The following SIL1 variants were observed in gnomAD, a reference collection of about 807,000 sequenced individuals.
SIL1 encodes SIL1 nucleotide exchange factor.
A neutral mutation model predicts 49.1 loss-of-function variants in SIL1; 40 were observed. The observed-to-expected ratio is 0.81, with a 90% confidence interval of 0.63 to 1.06. The LOEUF is 1.06. Among genes scored for constraint, SIL1 ranks in the 50% least tolerant of loss-of-function variants. SIL1 has a pLI of 0.00. For synonymous variants in SIL1, 253 were observed against 250.8 expected, an observed-to-expected ratio of 1.01 and a Z score of -0.08; for missense variants, 500 against 572.6, an observed-to-expected ratio of 0.87 and a Z score of 1.29.
chr5:138,974,850 G>A (rs951571103), intron 7 of SIL1, among the ~76,000 whole-genome samples: 37 of 152,292 alleles, frequency 2.4e-4, no homozygotes, highest in African/African-American at 8.4e-4. Context: ...AGCTTCATGT[G>A]TATCATCCTA....
intron 3 of SIL1, among the ~76,000 whole-genome samples, chr5:139,098,203 G>A (rs533455230): frequency 9.2e-5 from 14 of 152,224 alleles, no homozygotes; most frequent in Non-Finnish European, 1.3e-4. Flanking sequence ...ATACTACAGC[G>A]CTATGGTAAC....
chr5:139,004,133 T>C (rs1464025894), intron 7 of SIL1, among the ~76,000 whole-genome samples: 2 of 152,208 alleles, frequency 1.3e-5, no homozygotes, highest in African/African-American at 2.4e-5. Context: ...ACTTTGCAGC[T>C]AATCTGTCTT....
intron 1 of SIL1, among the ~76,000 whole-genome samples, chr5:139,188,930 T>C (rs191895587): frequency 1.9e-4 from 29 of 152,164 alleles, no homozygotes; most frequent in African/African-American, 3.1e-4. Context: ...AGGAAGGAGA[T>C]GGCAGAGAAG....
intron 5 of SIL1, among the ~76,000 whole-genome samples, chr5:139,031,637 A>G (rs957215711): frequency 2.0e-5 from 3 of 152,212 alleles, no homozygotes; most frequent in Non-Finnish European, 4.4e-5. Context: ...CTCATCTACA[A>G]AAAAATCCTG....
At chr5:139,099,980 C>A (rs1009393415) in intron 3 of SIL1, among the ~76,000 whole-genome samples, 1 of 151,960 alleles carries the variant, frequency 6.6e-6, no homozygotes, top group African/African-American at 2.4e-5. Flanking sequence ...GGAAGGATAC[C>A]CCATTCTCCA....
rs114754341 is a variant in SIL1 at position 139,113,821 on chromosome 5, A to G, written c.244+7214T>C. ...TCTGAACTAAAACAAAGTCTGTGGC[A>G]TGAGGGCTGGGACTATTTTGGCAGC... On this transcript the variant is annotated intron_variant, in intron 3 of 9. Transcript: ENST00000394817. Among the ~76,000 whole-genome samples the G allele has an allele frequency of 7.2e-3, 1,093 of 152,340 alleles. 7 individuals are homozygous for G. Among genetic ancestry groups the G allele is most frequent in the Non-Finnish European group, 9.6e-3 (653 of 68,038 alleles).
At chr5:138,993,039 A>G (rs1380018613) in intron 7 of SIL1, among the ~76,000 whole-genome samples, 3 of 152,226 alleles carry the variant, frequency 2.0e-5, no homozygotes, top group Non-Finnish European at 4.4e-5. Flanking sequence ...CCACAGTAGC[A>G]GAATTTTTGC....
intron 5 of SIL1, among the ~76,000 whole-genome samples, chr5:139,036,245 T>C (rs1174639498): frequency 6.6e-6 from 1 of 152,240 alleles, no homozygotes; most frequent in Non-Finnish European, 1.5e-5. Context: ...ATGTCCTGAA[T>C]GGTATTGCCT....
intron 3 of SIL1, among the ~76,000 whole-genome samples, chr5:139,100,964 G>T (rs2151782336): frequency 6.6e-6 from 1 of 152,092 alleles, no homozygotes; most frequent in East Asian, 1.9e-4. Context: ...GATGAAACAT[G>T]AAGCCATCAG....
At chr5:139,082,604 T>A (rs997693591) in intron 3 of SIL1, among the ~76,000 whole-genome samples, 6 of 152,230 alleles carry the variant, frequency 3.9e-5, no homozygotes, top group African/African-American at 1.4e-4. Flanking sequence ...CCCTAAGGGC[T>A]GAACAGCTCA....
At chr5:138,983,106 C>T (rs562765260) in intron 7 of SIL1, among the ~76,000 whole-genome samples, 5 of 141,248 alleles carry the variant, frequency 3.5e-5, no homozygotes, top group Admixed American at 7.7e-5. Context: ...GGCTGAGGCA[C>T]GAGAATCACT....
intron 7 of SIL1, among the ~76,000 whole-genome samples, chr5:139,001,614 C>T (rs1767985151): frequency 6.6e-6 from 1 of 152,044 alleles, no homozygotes; most frequent in Admixed American, 6.6e-5. Flanking sequence ...CTATAAAGAA[C>T]AGATACTGCC....
chr5:139,073,396 G>A (rs1256993725), intron 3 of SIL1, among the ~76,000 whole-genome samples: 1 of 152,312 alleles, frequency 6.6e-6, no homozygotes, highest in East Asian at 1.9e-4. Flanking sequence ...TAATATGGGT[G>A]AGCCTAGAAG....
At chr5:139,127,974 C>G (rs908251614) in intron 1 of SIL1, 121 bp from the exon 2 acceptor site, 1 of 713,392 alleles carries the variant, frequency 1.4e-6, no homozygotes, top group Non-Finnish European at 2.6e-6. Flanking sequence ...AGAGGTATAA[C>G]GAGTCTTCTA....
intron 3 of SIL1, among the ~76,000 whole-genome samples, chr5:139,109,780 CTTTT>C (rs67556338): frequency 7.6e-6 from 1 of 130,930 alleles, no homozygotes. Flanking sequence ...TCCCCTCTGT[CTTTT>C]TTTTTTTTTT....
intron 7 of SIL1, among the ~76,000 whole-genome samples, chr5:138,971,929 T>C (rs988153928): frequency 3.9e-5 from 6 of 152,086 alleles, no homozygotes; most frequent in African/African-American, 1.2e-4. Context: ...ACCAACAGGC[T>C]CAGTCATCTC....
chr5:139,178,969 G>A (rs1751934519), intron 1 of SIL1, among the ~76,000 whole-genome samples: 2 of 152,092 alleles, frequency 1.3e-5, no homozygotes, highest in African/African-American at 4.8e-5. Flanking sequence ...CTCCCTACAT[G>A]ACCTTAAGCC....
chr5:138,955,047 C>T (rs1766872275), intron 7 of SIL1, among the ~76,000 whole-genome samples: 1 of 148,826 alleles, frequency 6.7e-6, no homozygotes, highest in Non-Finnish European at 1.5e-5. Flanking sequence ...GTATGGCAGC[C>T]CCATCCTCCT....
Position 139,197,629 on chromosome 5 carries a change from A to G in SIL1, c.-11+640T>C, listed in dbSNP as rs200779189. Among the ~76,000 whole-genome samples the G allele has an allele frequency of 2.6e-5, 4 of 152,226 alleles. No individual in the cohort carries two copies. In the East Asian group the frequency reaches 7.7e-4, roughly 29 times the overall value. On this transcript the variant is annotated intron_variant, in intron 1 of 9. Coordinates refer to ENST00000394817, the MANE Select transcript of SIL1 (RefSeq NM_022464.5). ...TCAGAGCCCCATTCCAGGGGCTCAT[A>G]TGTCAAGTCATTCTCTCCTGACTTC...
Sources: allele counts gnomAD v4.1 joint callset (sites outside exome capture counted in the v4.1 genomes callset), GRCh38; gene constraint gnomAD v4.1.1; transcripts MANE v1.5; gene names NCBI Gene and HGNC (gene_info 2026-07-23, HGNC 2026-07-21).